COL28A1: variants seen among roughly 807,000 people sequenced by gnomAD.
The protein encoded by COL28A1 is collagen alpha-1(XXVIII) chain.
COL28A1 carries 161 observed loss-of-function variants against 150.2 expected under a neutral mutation model. That is an observed-to-expected ratio of 1.07 (90% CI 0.94 to 1.22). The LOEUF (loss-of-function observed/expected upper bound fraction) is 1.22, where lower values mean the gene tolerates loss of function less well. COL28A1 is among the 50% of genes most tolerant of loss of function. COL28A1 has a pLI of 0.00. For missense variants in COL28A1, 1,617 were observed against 1,388.3 expected, an observed-to-expected ratio of 1.16 and a Z score of -2.62; for synonymous variants, 552 against 469.7, an observed-to-expected ratio of 1.18 and a Z score of -2.26.
At chr7:7,386,546 G>A (rs189505823) in intron 27 of COL28A1, among the ~76,000 whole-genome samples, 119 of 152,334 alleles carry the variant, frequency 7.8e-4, no homozygotes, top group African/African-American at 2.6e-3. Context: ...CTACCTGGTG[G>A]AGGTGCCACA....
At chr7:7,414,790 T>C (rs929838904) in intron 27 of COL28A1, among the ~76,000 whole-genome samples, 8 of 152,234 alleles carry the variant, frequency 5.3e-5, no homozygotes, top group Non-Finnish European at 8.8e-5. Context: ...GACTTCCAGT[T>C]GCTCCTAGGA....
At chr7:7,356,399 T>C (rs1286500513), downstream of COL28A1, 2 of 152,206 alleles carry the variant, frequency 1.3e-5, no homozygotes, top group Admixed American at 6.5e-5. Context: ...GAAGCTGCAA[T>C]AGAATTTTTG....
intron 15 of COL28A1, among the ~76,000 whole-genome samples, chr7:7,458,752 G>C (rs528814015): frequency 5.7e-4 from 87 of 152,270 alleles, no homozygotes; most frequent in African/African-American, 2.1e-3. Flanking sequence ...TCAGATGAGT[G>C]TAAGTAACTC....
At chr7:7,439,045 T>C (rs1785555420) in intron 21 of COL28A1, among the ~76,000 whole-genome samples, 1 of 152,080 alleles carries the variant, frequency 6.6e-6, no homozygotes. Flanking sequence ...ACCCTCTAGG[T>C]TTTCAGACTG....
At chr7:7,421,825 T>C (rs971092176) in intron 25 of COL28A1, among the ~76,000 whole-genome samples, 2 of 152,192 alleles carry the variant, frequency 1.3e-5, no homozygotes, top group Non-Finnish European at 2.9e-5. Context: ...TTATACTGTC[T>C]CCATCTGTTC....
intron 19 of COL28A1, among the ~76,000 whole-genome samples, 153 bp from the exon 20 acceptor site, chr7:7,443,806 T>C (rs1470075083): frequency 6.6e-6 from 1 of 152,140 alleles, no homozygotes; most frequent in African/African-American, 2.4e-5. Flanking sequence ...AATTTGGAAG[T>C]TTATAAACTT....
At chr7:7,393,244 T>C (rs1410893043) in intron 27 of COL28A1, among the ~76,000 whole-genome samples, 1 of 152,236 alleles carries the variant, frequency 6.6e-6, no homozygotes, top group Non-Finnish European at 1.5e-5. Flanking sequence ...TGGAGTTTGC[T>C]GGACGTCCAC....
chr7:7,435,607 A>G (rs1785283794), intron 23 of COL28A1, among the ~76,000 whole-genome samples: 1 of 152,216 alleles, frequency 6.6e-6, no homozygotes, highest in Admixed American at 6.5e-5. Context: ...AACCACTCCA[A>G]TTTATGTCAG....
chr7:7,344,060 A>G, the COL28A1 span, among the ~76,000 whole-genome samples: 1 of 151,962 alleles, frequency 6.6e-6, no homozygotes, highest in Non-Finnish European at 1.5e-5. Context: ...AATTTCTTAC[A>G]TTCATGTTTC....
intron 27 of COL28A1, among the ~76,000 whole-genome samples, chr7:7,383,428 G>A (rs1401980065): frequency 6.6e-6 from 1 of 151,526 alleles, no homozygotes; most frequent in Non-Finnish European, 1.5e-5. Flanking sequence ...ACAGGTGTGT[G>A]CCACTATGCC....
At chr7:7,488,556 C>A (rs1299655211) in intron 13 of COL28A1, among the ~76,000 whole-genome samples, 2 of 152,176 alleles carry the variant, frequency 1.3e-5, no homozygotes, top group Non-Finnish European at 2.9e-5. Flanking sequence ...CCAGAATAAT[C>A]ATATTTTATT....
Position 7,515,816 on chromosome 7 carries a change from T to C in COL28A1, c.880A>G (p.Lys294Glu). Reference sequence around the variant, plus strand: ...TCTATTTGTTGTTACCAACTTACCTTGTCACCCTTGTACCCAGGAATTCCC... The same window carrying C: ...TCTATTTGTTGTTACCAACTTACCTCGTCACCCTTGTACCCAGGAATTCCC... ...PGGIPGYKGD[K>E]GERGECGKPG... is the part of the protein sequence containing the mutation. Residue 294 changes from lysine to glutamate, a missense_variant and splice_region_variant, in exon 8 of 35, where the codon AAG (lysine) becomes GAG (glutamate). Lys to Glu is a moderately conservative substitution (Grantham distance 56). Transcript: ENST00000399429. 1 of 1,064,688 alleles carries C rather than the reference T, an allele frequency of 9.4e-7. No individual in the cohort carries two copies. The highest frequency in any genetic ancestry group is 1.5e-6 in the Non-Finnish European group (1 of 680,728). 66.0% of individuals were successfully genotyped at this position (1,064,688 alleles called of 1,614,324 possible). A position where few individuals can be genotyped will look rare whatever the true frequency, so the allele number is the denominator to read the frequency against.
At chr7:7,390,828 A>T in intron 27 of COL28A1, among the ~76,000 whole-genome samples, 1 of 152,148 alleles carries the variant, frequency 6.6e-6, no homozygotes, top group South Asian at 2.1e-4. Flanking sequence ...CTGTGGGATC[A>T]GCAGTGATAT....
chr7:7,431,832 G>GA (rs1383476905), intron 25 of COL28A1, among the ~76,000 whole-genome samples: 2 of 151,950 alleles, frequency 1.3e-5, no homozygotes, highest in African/African-American at 2.4e-5. Context: ...GAAGCAGAAA[G>GA]AAAAAAAGGA....
chr7:7,467,814 C>T lies in COL28A1; in HGVS notation c.1302+6787G>A, dbSNP rs1417532913. ...CAGGATTAAAAATCTCACTCAAAGC[C>T]GCTCAACTACATGGAAACTGAACAA... On this transcript the variant is annotated intron_variant, in intron 15 of 34. Coordinates refer to ENST00000399429, the MANE Select transcript of COL28A1 (RefSeq NM_001037763.3). Among the ~76,000 whole-genome samples the T allele has an allele frequency of 3.6e-5, 5 of 138,046 alleles. 1 individual carries two copies. The highest frequency in any genetic ancestry group is 8.8e-5 in the African/African-American group (3 of 34,258). 90.6% of individuals were successfully genotyped at this position (138,046 alleles called of 152,430 possible). A position where few individuals can be genotyped will look rare whatever the true frequency, so the allele number is the denominator to read the frequency against.
intron 7 of COL28A1, among the ~76,000 whole-genome samples, chr7:7,516,694 G>A (rs1781432230): frequency 6.6e-6 from 1 of 152,174 alleles, no homozygotes; most frequent in African/African-American, 2.4e-5. Context: ...TATTATTACA[G>A]TTACATGTGA....
chr7:7,419,045 A>G (rs952929667), intron 26 of COL28A1, among the ~76,000 whole-genome samples: 1 of 152,202 alleles, frequency 6.6e-6, no homozygotes, highest in African/African-American at 2.4e-5. Flanking sequence ...GAATATACCA[A>G]TTCAAAATTT....
At chr7:7,398,249 C>A (rs532299519) in intron 27 of COL28A1, among the ~76,000 whole-genome samples, 23 of 152,280 alleles carry the variant, frequency 1.5e-4, no homozygotes, top group African/African-American at 5.3e-4. Context: ...TAATAAATAT[C>A]CAAATTGGCT....
Position 7,534,591 on chromosome 7 carries a change from G to A in COL28A1, c.-38+1159C>T, listed in dbSNP as rs143590255. Among the ~76,000 whole-genome samples the A allele has an allele frequency of 2.0e-4, 31 of 152,204 alleles. No homozygotes were observed. The East Asian group carries it at 5.8e-3, about 28-fold the overall frequency. On this transcript the variant is annotated intron_variant, in intron 1 of 34. Coordinates refer to ENST00000399429, the MANE Select transcript of COL28A1 (RefSeq NM_001037763.3). Reference sequence around the variant, plus strand: ...AAGAGGCTGAGAACTGAATTCCATTGAGAACTGAGCAAGATTTTATAAGCA... The same window carrying A: ...AAGAGGCTGAGAACTGAATTCCATTAAGAACTGAGCAAGATTTTATAAGCA...
Sources: allele counts gnomAD v4.1 joint callset (sites outside exome capture counted in the v4.1 genomes callset), GRCh38; gene constraint gnomAD v4.1.1; transcripts MANE v1.5; gene names NCBI Gene and HGNC (gene_info 2026-07-23, HGNC 2026-07-21).